The following SATL1 variants were observed in gnomAD, a reference collection of about 807,000 sequenced individuals.
SATL1 encodes spermidine/spermine N1-acetyl transferase like 1.
SATL1 carries 47 observed loss-of-function variants against 51.8 expected under a neutral mutation model. That is an observed-to-expected ratio of 0.91 (90% CI 0.72 to 1.16). The LOEUF is 1.16. SATL1 is among the 50% of genes most tolerant of loss of function. The probability of loss-of-function intolerance (pLI) is 0.00; values close to 1 mark genes in which losing one functional copy is unlikely to be tolerated. For synonymous variants in SATL1, 176 were observed against 182.4 expected, an observed-to-expected ratio of 0.97 and a Z score of 0.28; for missense variants, 520 against 526.4, an observed-to-expected ratio of 0.99 and a Z score of 0.12.
At chrX:85,156,277 C>G (rs748464851) in intron 2 of SATL1, 22 of 111,592 alleles carry the variant, frequency 2.0e-4, no homozygotes, top group African/African-American at 6.2e-4. Context: ...ACCAATTAAG[C>G]AAATGCTCTA....
At chrX:85,124,745 A>G (rs1312622492) in intron 2 of SATL1, among the ~76,000 whole-genome samples, 1 of 111,158 alleles carries the variant, frequency 9.0e-6, no homozygotes, top group Non-Finnish European at 1.9e-5. Context: ...GAACACACAT[A>G]AAACAAGTTA....
In SATL1 at chrX:85,108,602, G is replaced by GTGATTGGCTGGGGCC. The variant is rs767807951; in HGVS notation, c.352_366dup (p.Gly118_Ser122dup). ...TGGTTCGTGCCTATTTGCCTCATGC[G>GTGATTGGCTGGGGCC]TGATTGGCTGGGGCCTGATTGGCTT... On this transcript the variant is annotated inframe_insertion, in exon 3 of 8. Transcript: ENST00000644105. The GTGATTGGCTGGGGCC allele has an allele frequency of 1.7e-5, 20 of 1,202,934 alleles. No individual in the cohort carries two copies. The East Asian group carries it at 4.2e-4, about 25-fold the overall frequency.
At chrX:85,147,237 T>C (rs1926276318) in intron 2 of SATL1, among the ~76,000 whole-genome samples, 1 of 113,921 alleles carries the variant, frequency 8.8e-6, no homozygotes, top group South Asian at 3.5e-4. Flanking sequence ...CAGTCTGAGA[T>C]CAAACTGAAA....
intron 2 of SATL1, among the ~76,000 whole-genome samples, chrX:85,132,634 T>A (rs1003760647): frequency 8.9e-5 from 10 of 111,747 alleles, no homozygotes; most frequent in African/African-American, 1.3e-4. Context: ...ATTACTGACC[T>A]TCTGAAGCCT....
At chrX:85,146,133 T>G (rs1569236132) in intron 2 of SATL1, among the ~76,000 whole-genome samples, 1 of 110,979 alleles carries the variant, frequency 9.0e-6, no homozygotes, top group Admixed American at 9.6e-5. Flanking sequence ...CTCCTGACCT[T>G]GTGATCTGCC....
intron 2 of SATL1, among the ~76,000 whole-genome samples, chrX:85,188,204 G>C (rs146214483): frequency 9.0e-6 from 1 of 111,396 alleles, no homozygotes; most frequent in African/African-American, 3.3e-5. Flanking sequence ...ATATATGTTA[G>C]CTGGGTGGAA....
chrX:85,195,389 G>A (rs1927535825), intron 2 of SATL1, among the ~76,000 whole-genome samples: 1 of 111,367 alleles, frequency 9.0e-6, no homozygotes, highest in African/African-American at 3.3e-5. Context: ...AAGATTGAGT[G>A]TTAAGAGTCT....
chrX:85,188,178 A>C (rs1927355054), intron 2 of SATL1, among the ~76,000 whole-genome samples: 1 of 111,862 alleles, frequency 8.9e-6, no homozygotes, highest in Admixed American at 9.6e-5. Context: ...ATAGCATACA[A>C]ATGAAAATTC....
At position 85,215,769 on chromosome X, in the gene SATL1, T is replaced by C. The variant is rs758791081; in HGVS notation, c.-313+8436A>G. On this transcript the variant is annotated intron_variant, in intron 2 of 7. Coordinates refer to ENST00000644105, the MANE Select transcript of SATL1 (RefSeq NM_001367857.2). ...GCATGGCCTTTACTGTCTATATTTCTATGAGCATTTTGCTCACAACCACAA... is the reference window on the plus strand; with the variant it reads ...GCATGGCCTTTACTGTCTATATTTCCATGAGCATTTTGCTCACAACCACAA... 4.5e-5 allele frequency among the ~76,000 whole-genome samples: 5 copies of C among 112,359 alleles called. No individual in the cohort carries two copies. The East Asian group carries it at 1.4e-3, about 32-fold the overall frequency.
intron 2 of SATL1, among the ~76,000 whole-genome samples, chrX:85,186,827 T>C (rs1927322788): frequency 8.9e-6 from 1 of 111,987 alleles, no homozygotes; most frequent in African/African-American, 3.3e-5. Context: ...CTGGGTGTTA[T>C]GAAGGTGCTT....
intron 2 of SATL1, among the ~76,000 whole-genome samples, chrX:85,146,685 C>T (rs745440100): frequency 4.5e-4 from 50 of 112,046 alleles, no homozygotes; most frequent in Middle Eastern, 4.7e-3. Flanking sequence ...ATTTACTGTT[C>T]GATGGGGTAA....
At chrX:85,094,276 C>G (rs1431931035) in intron 5 of SATL1, 47 bp from the exon 6 acceptor site, 1 of 712,981 alleles carries the variant, frequency 1.4e-6, no homozygotes, top group Admixed American at 2.4e-5. Flanking sequence ...TGAATCTTAG[C>G]CAGTTCTTTA....
intron 2 of SATL1, among the ~76,000 whole-genome samples, chrX:85,121,459 ATGC>A (rs1925506708): frequency 9.6e-6 from 1 of 104,024 alleles, no homozygotes; most frequent in Non-Finnish European, 1.9e-5. Flanking sequence ...ATAAATATAT[ATGC>A]TATATTTATA....
At chrX:85,126,360 T>A (rs977802916) in intron 2 of SATL1, among the ~76,000 whole-genome samples, 10 of 111,381 alleles carry the variant, frequency 9.0e-5, no homozygotes, top group Admixed American at 8.7e-4. Flanking sequence ...TACTTGGAAT[T>A]TTTCTAAACA....
intron 2 of SATL1, among the ~76,000 whole-genome samples, chrX:85,142,361 A>G (rs1002021075): frequency 2.0e-5 from 2 of 99,810 alleles, no homozygotes; most frequent in Middle Eastern, 5.4e-3. Flanking sequence ...ACACCACTGC[A>G]CTCCAGCCTG....
intron 2 of SATL1, chrX:85,211,397 T>G (rs775710785): frequency 9.0e-6 from 1 of 111,694 alleles, no homozygotes; most frequent in East Asian, 2.8e-4. Flanking sequence ...ATTTAGTCTT[T>G]ACTTATGTAT....
intron 2 of SATL1, among the ~76,000 whole-genome samples, chrX:85,168,432 T>C (rs1225506306): frequency 1.8e-5 from 2 of 111,643 alleles, no homozygotes; most frequent in Admixed American, 1.9e-4. Context: ...CAGCAAAGTC[T>C]AGGATACAAA....
At chrX:85,092,819 C>A (rs1924567694) in intron 7 of SATL1, 2 of 336,346 alleles carry the variant, frequency 5.9e-6, no homozygotes, top group African/African-American at 5.2e-5. Flanking sequence ...CCTAAAAGAA[C>A]ACATGTTCTC....
chrX:85,118,562 A>G (rs1358604424), intron 2 of SATL1: 2 of 111,809 alleles, frequency 1.8e-5, no homozygotes, highest in African/African-American at 3.2e-5. Flanking sequence ...GGTCACTTAC[A>G]AAACACATAA....
Sources: allele counts gnomAD v4.1 joint callset (sites outside exome capture counted in the v4.1 genomes callset), GRCh38; gene constraint gnomAD v4.1.1; transcripts MANE v1.5; gene names NCBI Gene and HGNC (gene_info 2026-07-23, HGNC 2026-07-21).